Variants in MTMR7 observed in about 807,000 individuals in gnomAD.
MTMR7 encodes the protein myotubularin related protein 7.
In MTMR7, 76 loss-of-function variants were observed where a neutral mutation model predicts 81.2. That is an observed-to-expected ratio of 0.94 (90% CI 0.78 to 1.13). MTMR7 has a LOEUF of 1.13. MTMR7 is among the 50% of genes most tolerant of loss of function. The pLI, the probability that MTMR7 is intolerant of heterozygous loss-of-function variation, is 0.00. For missense variants in MTMR7, 1,044 were observed against 820.0 expected (o/e 1.27, Z -3.34); for synonymous variants, 372 against 289.8 (o/e 1.28, Z -2.88).
chr8:17,354,661 G>C (rs887741366), intron 4 of MTMR7, among the ~76,000 whole-genome samples: 4 of 152,096 alleles, frequency 2.6e-5, no homozygotes, highest in African/African-American at 9.7e-5. Context: ...GACACTTCCT[G>C]ACCCACCGAC....
At chr8:17,371,283 G>C in intron 2 of MTMR7, 84 bp from the exon 3 acceptor site, 1 of 1,459,492 alleles carries the variant, frequency 6.9e-7, no homozygotes, top group Non-Finnish European at 9.3e-7. Context: ...GTGGCTCAAA[G>C]AAAGACAAGA....
At chr8:17,379,316 C>CGGGCAGAA (rs1820689595) in intron 1 of MTMR7, among the ~76,000 whole-genome samples, 2 of 151,922 alleles carry the variant, frequency 1.3e-5, no homozygotes, top group South Asian at 4.2e-4. Context: ...GGGGTTTGAG[C>CGGGCAGAA]GGGCAGAAGC....
intron 3 of MTMR7, among the ~76,000 whole-genome samples, chr8:17,363,129 A>T (rs968704345): frequency 1.5e-4 from 23 of 152,208 alleles, no homozygotes; most frequent in African/African-American, 5.3e-4. Flanking sequence ...CGTAAAATCA[A>T]TTTCTTATCA....
Position 17,299,822 on chromosome 8 carries a change from T to C in MTMR7, c.*40A>G, listed in dbSNP as rs201732199. On this transcript the variant is annotated 3_prime_UTR_variant, in exon 14 of 14. Transcript: ENST00000180173. Reference sequence around the variant, plus strand: ...CTTGTTCCCTTGTTTTTGGAAGTGTTGCTTATGTGTCCTTTACTTTGGAAC... The same window carrying C: ...CTTGTTCCCTTGTTTTTGGAAGTGTCGCTTATGTGTCCTTTACTTTGGAAC... The C allele has an allele frequency of 4.6e-4, 744 of 1,603,202 alleles. 1 individual carries two copies. The highest frequency in any genetic ancestry group is 5.9e-4 in the Non-Finnish European group (687 of 1,173,358).
rs1213337728 is a variant in MTMR7 at position 17,297,223 on chromosome 8, A to G, written c.*2639T>C. 6.6e-6 allele frequency: 1 copy of G among 152,190 alleles called. No individual in the cohort carries two copies. Among genetic ancestry groups the G allele is most frequent in the Non-Finnish European group, 1.5e-5 (1 of 67,998 alleles). 9.4% of individuals were successfully genotyped at this position (152,190 alleles called of 1,614,324 possible). On this transcript the variant is annotated 3_prime_UTR_variant, in exon 14 of 14. Coordinates refer to ENST00000180173, the MANE Select transcript of MTMR7 (RefSeq NM_004686.5). ...AGGCTAATCAGTGTACGAATTTGTC[A>G]TAGGTAGAGATTTAAAGGTTAATAT...
Position 17,343,192 on chromosome 8 carries a change from C to T in MTMR7, c.598-1695G>A, listed in dbSNP as rs180851238. Among the ~76,000 whole-genome samples, 109 of 152,134 alleles carry T rather than the reference C, an allele frequency of 7.2e-4. 1 individual carries two copies. Among genetic ancestry groups the T allele is most frequent in the African/African-American group, 2.5e-3 (105 of 41,502 alleles). ...CTGTAATCCCAGCACTTTGGGAGGC[C>T]GAGGCGGGGGGATAACTTGAGGTCA... On this transcript the variant is annotated intron_variant, in intron 5 of 13. Coordinates refer to ENST00000180173, the MANE Select transcript of MTMR7 (RefSeq NM_004686.5).
intron 4 of MTMR7, among the ~76,000 whole-genome samples, chr8:17,358,814 T>A (rs2106020): frequency 0.36 from 54,441 of 151,982 alleles, 12,535 homozygotes; most frequent in East Asian, 0.7. Flanking sequence ...AAAATAATTT[T>A]AAGTTGGGGG....
intron 10 of MTMR7, among the ~76,000 whole-genome samples, chr8:17,308,515 G>T (rs1817612555): frequency 6.6e-6 from 1 of 152,186 alleles, no homozygotes; most frequent in African/African-American, 2.4e-5. Flanking sequence ...CATGCATTTA[G>T]AATTTTAAGA....
intron 1 of MTMR7, 102 bp from the exon 2 acceptor site, chr8:17,373,342 T>TGGGGGAA: frequency 7.3e-7 from 1 of 1,368,352 alleles, no homozygotes; most frequent in Non-Finnish European, 9.7e-7. Flanking sequence ...AAAATACAAT[T>TGGGGGAA]TTTTGAGAAT....
chr8:17,335,782 G>C (rs1286529618), intron 6 of MTMR7, among the ~76,000 whole-genome samples: 1 of 152,172 alleles, frequency 6.6e-6, no homozygotes, highest in African/African-American at 2.4e-5. Flanking sequence ...GGACCTCTTG[G>C]GCAGATTTAA....
intron 1 of MTMR7, among the ~76,000 whole-genome samples, chr8:17,383,832 G>C (rs1034282052): frequency 6.6e-6 from 1 of 152,098 alleles, no homozygotes; most frequent in African/African-American, 2.4e-5. Context: ...GTGTGCACCA[G>C]CATGTTTCAA....
At chr8:17,334,365 A>G (rs1437852292) in intron 6 of MTMR7, among the ~76,000 whole-genome samples, 5 of 152,190 alleles carry the variant, frequency 3.3e-5, no homozygotes, top group Non-Finnish European at 4.4e-5. Context: ...ACTACATCAA[A>G]TACGGTCCTC....
chr8:17,302,443 G>GT (rs897122681), intron 12 of MTMR7, 163 bp from the exon 13 acceptor site: 93 of 720,332 alleles, frequency 1.3e-4, no homozygotes, highest in Non-Finnish European at 1.7e-4. Flanking sequence ...TCATGTTGAT[G>GT]TTTTTTTTCT....
rs1816874574 is a variant in MTMR7, at chr8:17,298,331, G to GAATT, written c.*1527_*1530dup. ...AATGCCCAAATTTTATATTCTGAAA[G>GAATT]AATTAATTACACTTGCTTTATTTTT... On this transcript the variant is annotated 3_prime_UTR_variant, in exon 14 of 14. Coordinates refer to ENST00000180173, the MANE Select transcript of MTMR7 (RefSeq NM_004686.5). 1 of 151,950 alleles carries GAATT rather than the reference G, an allele frequency of 6.6e-6. No individual in the cohort carries two copies. Among genetic ancestry groups the GAATT allele is most frequent in the African/African-American group, 2.4e-5 (1 of 41,420 alleles). The allele number at this position is 151,950 out of a possible 1,614,324, so 9.4% of individuals were successfully genotyped here.
chr8:17,349,529 C>G (rs1252517270), intron 4 of MTMR7: 2 of 165,584 alleles, frequency 1.2e-5, no homozygotes, highest in Admixed American at 1.1e-4. Context: ...TCTGACACGC[C>G]CAGTGTGCAT....
intron 1 of MTMR7, among the ~76,000 whole-genome samples, chr8:17,377,210 C>G (rs1211804029): frequency 6.6e-6 from 1 of 152,098 alleles, no homozygotes; most frequent in Non-Finnish European, 1.5e-5. Context: ...AAGTATAGTA[C>G]TTCTTTACAC....
chr8:17,413,258 G>A lies in MTMR7; in HGVS notation c.24+11C>T. 6.5e-7 allele frequency: 1 copy of A among 1,548,340 alleles called. No homozygotes were observed. Among genetic ancestry groups the A allele is most frequent in the Non-Finnish European group, 8.7e-7 (1 of 1,145,106 alleles). On this transcript the variant is annotated intron_variant, in intron 1 of 13. Transcript: ENST00000180173. ...TCCCGTCCCTCCTCCGCCCGCGCTG[G>A]TGTCACCAACCTTGGGCGTACGGAT...
At chr8:17,335,229 G>C (rs530739235) in intron 6 of MTMR7, among the ~76,000 whole-genome samples, 2 of 152,278 alleles carry the variant, frequency 1.3e-5, no homozygotes, top group South Asian at 4.1e-4. Flanking sequence ...GCTCCACGAG[G>C]GGCCCTGAGT....
At chr8:17,352,898 G>A (rs549249532) in intron 4 of MTMR7, among the ~76,000 whole-genome samples, 36 of 152,220 alleles carry the variant, frequency 2.4e-4, no homozygotes, top group African/African-American at 8.7e-4. Context: ...AGGCTCTTCA[G>A]GAATTTAAAA....
Sources: gnomAD v4.1 joint callset for allele counts (sites outside exome capture counted in the v4.1 genomes callset) on GRCh38, gnomAD v4.1.1 for gene constraint, MANE v1.5 for transcripts, NCBI Gene and HGNC (gene_info 2026-07-23, HGNC 2026-07-21) for gene names.